ARFIP1: variants seen among roughly 807,000 people sequenced by gnomAD.
ARFIP1 encodes ARF interacting protein 1.
A neutral mutation model predicts 42.5 loss-of-function variants in ARFIP1; 24 were observed. That is an observed-to-expected ratio of 0.57 (90% CI 0.41 to 0.80). ARFIP1 has a LOEUF of 0.80. Among genes scored for constraint, ARFIP1 ranks in the 30% least tolerant of loss-of-function variants. The probability of loss-of-function intolerance (pLI) is 0.00; values close to 1 mark genes in which losing one functional copy is unlikely to be tolerated. For missense variants in ARFIP1, 354 were observed against 434.0 expected, an observed-to-expected ratio of 0.82 and a Z score of 1.64; for synonymous variants, 141 against 153.7, an observed-to-expected ratio of 0.92 and a Z score of 0.61.
intron 8 of ARFIP1, among the ~76,000 whole-genome samples, chr4:152,908,751 G>T (rs1317818413): frequency 6.6e-6 from 1 of 151,778 alleles, no homozygotes; most frequent in Non-Finnish European, 1.5e-5. Flanking sequence ...CCTCTGTCAG[G>T]GCAGATTGCC....
chr4:152,796,483 G>C, intron 1 of ARFIP1: 1 of 730,388 alleles, frequency 1.4e-6, no homozygotes, highest in Non-Finnish European at 2.5e-6. Flanking sequence ...TTAGGCAGAG[G>C]GACTTCCCAT....
chr4:152,800,746 T>C (rs1246104251), intron 1 of ARFIP1, among the ~76,000 whole-genome samples: 1 of 152,116 alleles, frequency 6.6e-6, no homozygotes, highest in East Asian at 1.9e-4. Context: ...ATCTAAAAAG[T>C]GAAACGAGTA....
chr4:152,819,455 C>A (rs1017870603), intron 1 of ARFIP1, among the ~76,000 whole-genome samples: 2 of 152,130 alleles, frequency 1.3e-5, no homozygotes, highest in African/African-American at 4.8e-5. Context: ...GCTGCTGGTA[C>A]CTGCTGCTGG....
At chr4:152,798,922 A>G (rs562915903) in intron 1 of ARFIP1, among the ~76,000 whole-genome samples, 1 of 152,346 alleles carries the variant, frequency 6.6e-6, no homozygotes, top group Admixed American at 6.5e-5. Context: ...TTCACTTAGC[A>G]AACAGTCACA....
intron 8 of ARFIP1, among the ~76,000 whole-genome samples, chr4:152,890,047 T>C (rs981124092): frequency 6.6e-6 from 1 of 150,894 alleles, no homozygotes; most frequent in East Asian, 1.9e-4. Context: ...ACATTTTAAA[T>C]ATAAAAATAT....
chr4:152,810,663 A>AAT (rs1729371962), intron 1 of ARFIP1, among the ~76,000 whole-genome samples: 2 of 151,922 alleles, frequency 1.3e-5, no homozygotes, highest in South Asian at 4.2e-4. Flanking sequence ...AAAAAAAAAA[A>AAT]ATATTAGCTG....
chr4:152,786,111 A>G (rs1240266715), intron 1 of ARFIP1, among the ~76,000 whole-genome samples: 1 of 152,222 alleles, frequency 6.6e-6, no homozygotes, highest in East Asian at 1.9e-4. Context: ...TTTTAACTAA[A>G]TCCAGATGGT....
intron 2 of ARFIP1, among the ~76,000 whole-genome samples, chr4:152,856,765 G>A (rs1733475816): frequency 6.6e-6 from 1 of 152,084 alleles, no homozygotes; most frequent in Non-Finnish European, 1.5e-5. Flanking sequence ...AAGGAAAGCT[G>A]TTATACTCAC....
intron 1 of ARFIP1, among the ~76,000 whole-genome samples, chr4:152,826,007 T>A (rs1730804132): frequency 6.6e-6 from 1 of 151,684 alleles, no homozygotes; most frequent in Non-Finnish European, 1.5e-5. Context: ...AAAAAGTAGA[T>A]GTTGGCATGA....
chr4:152,897,603 A>C (rs1737451329), intron 8 of ARFIP1, among the ~76,000 whole-genome samples: 2 of 152,210 alleles, frequency 1.3e-5, no homozygotes, highest in Admixed American at 1.3e-4. Flanking sequence ...GAATGAAAAG[A>C]ATTCACTTTA....
At chr4:152,890,798 A>G (rs1736781709) in intron 8 of ARFIP1, among the ~76,000 whole-genome samples, 1 of 152,178 alleles carries the variant, frequency 6.6e-6, no homozygotes, top group Non-Finnish European at 1.5e-5. Flanking sequence ...CTTCAGATAT[A>G]AAGGCTTGGA....
rs76513061 is a variant in ARFIP1 at position 152,867,507 on chromosome 4, C to T, written c.203-3246C>T. Among the ~76,000 whole-genome samples, 663 of 151,750 alleles carry T rather than the reference C, an allele frequency of 4.4e-3. 4 individuals carry two copies. The highest frequency in any genetic ancestry group is 0.015 in the African/African-American group (617 of 41,368). On this transcript the variant is annotated intron_variant, in intron 3 of 8. Coordinates refer to ENST00000353617, the MANE Select transcript of ARFIP1 (RefSeq NM_001025595.3). ...CGTGGAAAGAGAGGGAGAGGGAGACCGTGGGGAGAGGGAGAGAGGTGAGAC... is the reference window on the plus strand; with the variant it reads ...CGTGGAAAGAGAGGGAGAGGGAGACTGTGGGGAGAGGGAGAGAGGTGAGAC...
At chr4:152,823,689 A>C (rs1256294951) in intron 1 of ARFIP1, among the ~76,000 whole-genome samples, 1 of 150,248 alleles carries the variant, frequency 6.7e-6, no homozygotes, top group African/African-American at 2.5e-5. Context: ...AGGCAGGAGA[A>C]TCACTTGAAC....
chr4:152,851,476 A>G (rs1020485699), intron 2 of ARFIP1, among the ~76,000 whole-genome samples: 7 of 152,230 alleles, frequency 4.6e-5, no homozygotes, highest in African/African-American at 1.4e-4. Flanking sequence ...ATGTGAGGGC[A>G]GGTGTGTGAG....
At chr4:152,838,934 T>C (rs1561133635) in intron 2 of ARFIP1, among the ~76,000 whole-genome samples, 1 of 152,176 alleles carries the variant, frequency 6.6e-6, no homozygotes, top group Non-Finnish European at 1.5e-5. Flanking sequence ...AGTTGGCTTT[T>C]ATTACATTAA....
Position 152,889,530 on chromosome 4 carries a change from TATATAC to T in ARFIP1, c.966+1225_966+1230del, listed in dbSNP as rs1396401601. 8.6e-3 allele frequency among the ~76,000 whole-genome samples: 408 copies of T among 47,674 alleles called. 22 individuals are homozygous for T. The highest frequency in any genetic ancestry group is 0.022 in the East Asian group (30 of 1,350). 31.3% of individuals were successfully genotyped at this position (47,674 alleles called of 152,430 possible). On this transcript the variant is annotated intron_variant, in intron 8 of 8. Coordinates refer to ENST00000353617, the MANE Select transcript of ARFIP1 (RefSeq NM_001025595.3). ...ATATATATATATATATATATATATA[TATATAC>T]ACCTATTTTTGTGTGTGTGTGTATA...
At chr4:152,869,473 A>C (rs1198987928) in intron 3 of ARFIP1, among the ~76,000 whole-genome samples, 1 of 150,348 alleles carries the variant, frequency 6.7e-6, no homozygotes, top group African/African-American at 2.5e-5. Flanking sequence ...TAATTGAGAC[A>C]GAGTCTGGCT....
chr4:152,864,037 T>C (rs1734114391), intron 3 of ARFIP1, among the ~76,000 whole-genome samples: 1 of 152,206 alleles, frequency 6.6e-6, no homozygotes, highest in African/African-American at 2.4e-5. Context: ...TAAATCAATG[T>C]TGATTTTTAT....
intron 5 of ARFIP1, 84 bp from the exon 6 acceptor site, chr4:152,880,878 CA>C: frequency 3.7e-6 from 4 of 1,081,554 alleles, no homozygotes; most frequent in East Asian, 2.4e-5. Context: ...TGTTTGAATC[CA>C]AAAAATGGTG....
Sources: gnomAD v4.1 joint callset for allele counts (sites outside exome capture counted in the v4.1 genomes callset) on GRCh38, gnomAD v4.1.1 for gene constraint, MANE v1.5 for transcripts, NCBI Gene and HGNC (gene_info 2026-07-23, HGNC 2026-07-21) for gene names.